The following CLDN16 variants were observed in gnomAD, a reference collection of about 807,000 sequenced individuals.
CLDN16 encodes claudin 16, also known as claudin-16.
Under a neutral mutation model 24.6 loss-of-function variants are expected in CLDN16, and 13 were observed. The observed-to-expected ratio is 0.53, with a 90% confidence interval of 0.34 to 0.84. The LOEUF (loss-of-function observed/expected upper bound fraction) is 0.84, where lower values mean the gene tolerates loss of function less well. Ranked by LOEUF, CLDN16 falls within the 40% of genes least tolerant of loss-of-function variation. CLDN16 has a pLI of 0.01. For missense variants in CLDN16, 298 were observed against 292.7 expected (o/e 1.02, Z -0.13); for synonymous variants, 116 against 106.7 (o/e 1.09, Z -0.54).
rs1219134741 is a variant in CLDN16 at position 190,323,027 on chromosome 3, C to CACACACACACACACACACAG, written n.121+367_121+368insCACACACACACACACACAGA. 4.0e-5 allele frequency among the ~76,000 whole-genome samples: 6 copies of CACACACACACACACACACAG among 149,966 alleles called. 1 individual carries two copies. The East Asian group carries it at 8.1e-4, about 20-fold the overall frequency. ...TTACACACACACACACACACACACA[C>CACACACACACACACACACAG]AGACACACTCACGCACGGAGCATAT... On this transcript the variant is annotated intron_variant and non_coding_transcript_variant, in intron 1 of 4. Transcript: ENST00000468220.
At chr3:190,300,980 T>A in the CLDN16 span, among the ~76,000 whole-genome samples, 3 of 152,158 alleles carry the variant, frequency 2.0e-5, no homozygotes, top group Admixed American at 1.3e-4. Context: ...AAAAATAAAT[T>A]TGGTTTCTGC....
chr3:190,335,057 C>CTTTTTTTTTTTTTTTTTT (rs1560081025), intron 1 of CLDN16, among the ~76,000 whole-genome samples: 1 of 138,246 alleles, frequency 7.2e-6, no homozygotes, highest in Admixed American at 7.1e-5. Flanking sequence ...TGTTTGTTTG[C>CTTTTTTTTTTTTTTTTTT]TTTTGAGATG....
chr3:190,310,172 G>C, the CLDN16 span: 4 of 1,612,530 alleles, frequency 2.5e-6, no homozygotes, highest in South Asian at 1.1e-5. Flanking sequence ...GCGTTACCTG[G>C]CATTGACTGG....
chr3:190,390,674 T>C (rs2108659928), intron 1 of CLDN16, among the ~76,000 whole-genome samples: 1 of 152,342 alleles, frequency 6.6e-6, no homozygotes, highest in South Asian at 2.1e-4. Flanking sequence ...TAGAAACTTA[T>C]ATTTTCCACA....
chr3:190,299,891 A>G, the CLDN16 span, among the ~76,000 whole-genome samples: 1 of 152,164 alleles, frequency 6.6e-6, no homozygotes, highest in Non-Finnish European at 1.5e-5. Context: ...CTTGACTTGC[A>G]TAAGGTGGTA....
At position 190,388,406 on chromosome 3, in the gene CLDN16, C is replaced by G; in HGVS notation, c.77C>G (p.Thr26Ser). The G allele has an allele frequency of 6.2e-7, 1 of 1,613,996 alleles. No individual in the cohort carries two copies. The highest frequency in any genetic ancestry group is 8.5e-7 in the Non-Finnish European group (1 of 1,179,988). ...SAGFLIVATW[T>S]DCWMVNADDS... The stretch of plus-strand genomic sequence containing the variant: ...GGGTTTTTGATTGTGGCCACCTGGA[C>G]TGACTGTTGGATGGTGAATGCTGAT... The change falls in exon 1 of 5, where the codon ACT (threonine) becomes AGT (serine). Residue 26 changes from threonine to serine, a missense_variant. Physicochemically the swap from Thr to Ser is moderately conservative, Grantham distance 58. Coordinates refer to ENST00000264734, the MANE Select transcript of CLDN16 (RefSeq NM_006580.4).
upstream of CLDN16, chr3:190,387,987 C>A: frequency 1.2e-6 from 1 of 801,578 alleles, no homozygotes. Flanking sequence ...TTGGCACTGG[C>A]ACTTGGTCTG....
At chr3:190,351,884 G>A (rs563847379) in intron 1 of CLDN16, among the ~76,000 whole-genome samples, 8 of 152,048 alleles carry the variant, frequency 5.3e-5, no homozygotes, top group Non-Finnish European at 1.2e-4. Context: ...TCTTTTAATT[G>A]TGGAAACATT....
At chr3:190,381,253 G>A (rs1420594556) in intron 3 of CLDN16, among the ~76,000 whole-genome samples, 4 of 152,074 alleles carry the variant, frequency 2.6e-5, no homozygotes, top group Admixed American at 6.6e-5. Flanking sequence ...GTTGGTGGGA[G>A]TTCACTCTGG....
At position 190,388,235 on chromosome 3, in the gene CLDN16, A is replaced by T. The variant is rs750369977; in HGVS notation, c.-95A>T. 26 of 1,613,946 alleles carry T rather than the reference A, an allele frequency of 1.6e-5. No homozygotes were observed. The highest frequency in any genetic ancestry group is 2.1e-5 in the Non-Finnish European group (25 of 1,180,006). On this transcript the variant is annotated 5_prime_UTR_variant, in exon 1 of 5. Coordinates refer to ENST00000264734, the MANE Select transcript of CLDN16 (RefSeq NM_006580.4). ...AAAAGACCAGTATTTTCACATTGCC[A>T]GGTACCAGAAACACAGAAGACTGAC...
chr3:190,398,371 C>G (rs1358885210), intron 1 of CLDN16, among the ~76,000 whole-genome samples: 1 of 152,228 alleles, frequency 6.6e-6, no homozygotes, highest in Non-Finnish European at 1.5e-5. Context: ...CCTCTTCCAG[C>G]TTCTGGTGGC....
intron 1 of CLDN16, among the ~76,000 whole-genome samples, chr3:190,337,192 T>A (rs1250372355): frequency 6.6e-6 from 1 of 152,162 alleles, no homozygotes; most frequent in Admixed American, 6.5e-5. Flanking sequence ...AGGATTTGGG[T>A]TAGTGTTACT....
At chr3:190,328,420 G>C (rs1206405600) in intron 1 of CLDN16, among the ~76,000 whole-genome samples, 1 of 152,134 alleles carries the variant, frequency 6.6e-6, no homozygotes, top group Non-Finnish European at 1.5e-5. Context: ...TTCTCCATCT[G>C]TAAAAGAAAA....
chr3:190,390,002 T>TGA (rs1347238216), intron 1 of CLDN16, among the ~76,000 whole-genome samples: 1 of 152,190 alleles, frequency 6.6e-6, no homozygotes, highest in Non-Finnish European at 1.5e-5. Flanking sequence ...CAAACCTTGC[T>TGA]GAGAGAGAGA....
the CLDN16 span, among the ~76,000 whole-genome samples, chr3:190,296,513 G>T: frequency 1.3e-5 from 2 of 151,544 alleles, no homozygotes; most frequent in African/African-American, 4.8e-5. Flanking sequence ...GAGTAATAAC[G>T]TATGAGGATG....
At chr3:190,409,871 G>T in intron 4 of CLDN16, 32 bp from the exon 5 acceptor site, 1 of 1,607,462 alleles carries the variant, frequency 6.2e-7, no homozygotes, top group Non-Finnish European at 8.5e-7. Flanking sequence ...AGTTCACTGA[G>T]TTCTACTTAT....
intron 1 of CLDN16, among the ~76,000 whole-genome samples, chr3:190,331,057 G>C (rs992699187): frequency 2.0e-5 from 3 of 152,170 alleles, no homozygotes; most frequent in African/African-American, 4.8e-5. Context: ...CATTGCAAAA[G>C]TCCCACAGTT....
At chr3:190,301,190 G>T in the CLDN16 span, among the ~76,000 whole-genome samples, 1 of 152,162 alleles carries the variant, frequency 6.6e-6, no homozygotes, top group East Asian at 1.9e-4. Flanking sequence ...TGCGCAATAG[G>T]CATGTTAAGA....
intron 1 of CLDN16, among the ~76,000 whole-genome samples, chr3:190,352,808 TA>T (rs1416750374): frequency 1.3e-5 from 2 of 151,482 alleles, no homozygotes; most frequent in African/African-American, 2.4e-5. Context: ...AAAAAAAGGA[TA>T]AAAAAAACCT....
Sources: allele counts gnomAD v4.1 joint callset (sites outside exome capture counted in the v4.1 genomes callset), GRCh38; gene constraint gnomAD v4.1.1; transcripts MANE v1.5; gene names NCBI Gene and HGNC (gene_info 2026-07-23, HGNC 2026-07-21).